The following ZNF506 variants were observed in gnomAD, a reference collection of about 807,000 sequenced individuals.
The protein encoded by ZNF506 is zinc finger protein 506.
ZNF506 carries 10 observed loss-of-function variants against 11.6 expected under a neutral mutation model. That is an observed-to-expected ratio of 0.86 (90% CI 0.53 to 1.46). ZNF506 has a LOEUF of 1.46. Among genes scored for constraint, ZNF506 ranks in the 40% most tolerant of loss-of-function variants. The pLI is 0.00. For synonymous variants in ZNF506, 156 were observed against 173.3 expected (o/e 0.90, Z 0.78); for missense variants, 425 against 521.2 (o/e 0.82, Z 1.80).
chr19:19,807,869 T>G (rs2062847719), intron 1 of ZNF506, among the ~76,000 whole-genome samples: 1 of 152,076 alleles, frequency 6.6e-6, no homozygotes, highest in East Asian at 1.9e-4. Flanking sequence ...CAAAAGGATA[T>G]TTTTTCAAAC....
rs1182764939 is a variant in ZNF506 at position 19,803,098 on chromosome 19, C to T, written c.226+2933G>A. On this transcript the variant is annotated intron_variant, in intron 3 of 3. Transcript: ENST00000540806. The stretch of plus-strand genomic sequence containing the variant: ...AGAAGTGTTCTATTCAGAAGGCAGG[C>T]CCTCATTCAGGTGGGAAACTACAAG... Among the ~76,000 whole-genome samples the T allele has an allele frequency of 3.9e-5, 6 of 152,220 alleles. No individual in the cohort carries two copies. The East Asian group carries it at 1.2e-3, about 29-fold the overall frequency.
In ZNF506 at chr19:19,795,033, T is replaced by C; in HGVS notation, c.854A>G (p.Tyr285Cys). Reference protein sequence around the residue: ...HKKIHTGEKPYKCDKCGKAFI... With the variant: ...HKKIHTGEKPCKCDKCGKAFI... ...GGCTTTGCCACATTTATCACACTTG[T>C]ATGGTTTCTCTCCAGTATGAATTTT... The change falls in exon 4 of 4, where the codon TAC (tyrosine) becomes TGC (cysteine). Residue 285 changes from tyrosine to cysteine, a missense_variant. By Grantham distance (194) the Tyr-to-Cys change is radical (BLOSUM62 -2). This residue lies in a region of ZNF506 where 192 missense variants were observed against 215.7 expected (regional missense o/e 0.89). Transcript: ENST00000540806. The C allele has an allele frequency of 3.7e-6, 6 of 1,613,912 alleles. No individual in the cohort carries two copies. Among genetic ancestry groups the C allele is most frequent in the Non-Finnish European group, 5.1e-6 (6 of 1,179,956 alleles).
At chr19:19,821,482 G>T in intron 1 of ZNF506, 119 bp downstream of exon 1, 1 of 1,346,164 alleles carries the variant, frequency 7.4e-7, no homozygotes, top group Non-Finnish European at 1.1e-6. Context: ...TTGGAGCGCA[G>T]ATTGTGGAGC....
Position 19,806,027 on chromosome 19 carries a change from C to T in ZNF506, c.226+4G>A. ...CTGTCCTATTCATTTTCACTCGCAC[C>T]TACCTGGGGGTTTGGCAATCATCTC... On this transcript the variant is annotated splice_donor_region_variant and intron_variant, in intron 3 of 3. Coordinates refer to ENST00000540806, the MANE Select transcript of ZNF506 (RefSeq NM_001099269.3). The T allele has an allele frequency of 1.2e-6, 2 of 1,602,984 alleles. No homozygotes were observed. The highest frequency in any genetic ancestry group is 1.3e-5 in the African/African-American group (1 of 74,176).
rs532860947 is a variant in ZNF506 at position 19,792,718 on chromosome 19, T to A, written c.*1834A>T. Among the ~76,000 whole-genome samples, 6 of 150,544 alleles carry A rather than the reference T, an allele frequency of 4.0e-5. No individual in the cohort carries two copies. In the East Asian group the frequency reaches 1.2e-3, roughly 29 times the overall value. ...ACTATTACTCTGAACCCCCACTTTT[T>A]AAAAATCTTTATTAATAAAGTAATT... On this transcript the variant is annotated 3_prime_UTR_variant, in exon 4 of 4. Coordinates refer to ENST00000540806, the MANE Select transcript of ZNF506 (RefSeq NM_001099269.3).
intron 3 of ZNF506, among the ~76,000 whole-genome samples, chr19:19,804,000 T>C (rs1447026776): frequency 6.6e-6 from 1 of 152,138 alleles, no homozygotes; most frequent in Non-Finnish European, 1.5e-5. Flanking sequence ...GTCAATTTTG[T>C]CAATTTTGTC....
At chr19:19,806,921 A>G (rs1183510915) in intron 2 of ZNF506, 21 bp downstream of exon 2, 1 of 1,606,686 alleles carries the variant, frequency 6.2e-7, no homozygotes, top group Non-Finnish European at 8.5e-7. Flanking sequence ...ATTATGAATT[A>G]TGTACTCAAG....
chr19:19,801,040 G>T (rs1315849418), intron 3 of ZNF506, among the ~76,000 whole-genome samples: 1 of 151,906 alleles, frequency 6.6e-6, no homozygotes, highest in Non-Finnish European at 1.5e-5. Context: ...CATGCCTATA[G>T]TCCCAGCTAC....
At chr19:19,816,742 G>A (rs577805657) in intron 1 of ZNF506, among the ~76,000 whole-genome samples, 23 of 151,382 alleles carry the variant, frequency 1.5e-4, no homozygotes, top group Non-Finnish European at 2.7e-4. Flanking sequence ...TGCTCAACTC[G>A]GCCTCCACAG....
intron 3 of ZNF506, 26 bp from the exon 4 acceptor site, chr19:19,795,686 A>C (rs751247216): frequency 1.2e-5 from 18 of 1,480,318 alleles, no homozygotes; most frequent in Non-Finnish European, 1.5e-5. Context: ...AAAACACATG[A>C]CTTCAATTGC....
At chr19:19,820,052 G>A (rs2062957261) in intron 1 of ZNF506, among the ~76,000 whole-genome samples, 3 of 150,124 alleles carry the variant, frequency 2.0e-5, no homozygotes, top group South Asian at 4.2e-4. Flanking sequence ...AGGTGAGATC[G>A]CCCCACTGCA....
In ZNF506 at chr19:19,806,064, T is replaced by C; in HGVS notation, c.193A>G (p.Met65Val). 6.2e-7 allele frequency: 1 copy of C among 1,609,798 alleles called. No individual in the cohort carries two copies. The highest frequency in any genetic ancestry group is 8.5e-7 in the Non-Finnish European group (1 of 1,178,678). ...TTGGCAATCATCTCATGCCTCTTCA[T>C]AGTTAAAGGTTTTTTTCCTTGCTCC... ...CLEQGKKPLTMKRHEMIAKPP... is the reference protein window; with the variant it reads ...CLEQGKKPLTVKRHEMIAKPP... Residue 65 changes from methionine to valine, a missense_variant, in exon 3 of 4, where the codon ATG becomes GTG. Physicochemically the swap from Met to Val is conservative, Grantham distance 21 (BLOSUM62 1). Coordinates refer to ENST00000540806, the MANE Select transcript of ZNF506 (RefSeq NM_001099269.3).
chr19:19,806,126 C>A lies in ZNF506; in HGVS notation c.131G>T (p.Gly44Val). The A allele has an allele frequency of 1.3e-6, 2 of 1,596,632 alleles. No homozygotes were observed. The highest frequency in any genetic ancestry group is 4.5e-5 in the East Asian group (2 of 44,574). ...CAGGTTTGGTTTAGAGACAACAATACCTGTTTTATTAAGAATAAATAATAT... is the reference window on the plus strand; with the variant it reads ...CAGGTTTGGTTTAGAGACAACAATAACTGTTTTATTAAGAATAAATAATAT... Reference protein sequence around the residue: ...LENYRNLIFLGIVVSKPNLIT... With the variant: ...LENYRNLIFLVIVVSKPNLIT... Residue 44 changes from glycine to valine, a missense_variant and splice_region_variant, in exon 3 of 4, where the codon GGT becomes GTT. By Grantham distance (109) the Gly-to-Val change is moderately radical. Transcript: ENST00000540806.
At chr19:19,805,179 A>G (rs1048744793) in intron 3 of ZNF506, among the ~76,000 whole-genome samples, 5 of 152,204 alleles carry the variant, frequency 3.3e-5, no homozygotes, top group Admixed American at 2.6e-4. Flanking sequence ...AAGTATATCT[A>G]TGGTTTCATA....
At chr19:19,819,647 A>G (rs1404480868) in intron 1 of ZNF506, among the ~76,000 whole-genome samples, 4 of 152,204 alleles carry the variant, frequency 2.6e-5, no homozygotes, top group Admixed American at 2.6e-4. Flanking sequence ...ATCTTGACCC[A>G]AAAACATTCG....
chr19:19,811,991 T>C (rs2062886932), intron 1 of ZNF506, among the ~76,000 whole-genome samples: 2 of 152,184 alleles, frequency 1.3e-5, no homozygotes, highest in African/African-American at 4.8e-5. Context: ...GTAGGAACCA[T>C]GACTGCTTCA....
rs2062712268 is a variant in ZNF506, at chr19:19,793,590, ATTC to A, written c.*959_*961del. 6.6e-6 allele frequency among the ~76,000 whole-genome samples: 1 copy of A among 152,214 alleles called. No individual in the cohort carries two copies. ...TGTAATAGCTGATTTCAGAATAAAT[ATTC>A]TTCTTTAAAGGCTTATATTTTCTGA... On this transcript the variant is annotated 3_prime_UTR_variant, in exon 4 of 4. Transcript: ENST00000540806.
chr19:19,806,849 T>C (rs902856748), intron 2 of ZNF506, 93 bp downstream of exon 2: 3 of 1,447,780 alleles, frequency 2.1e-6, no homozygotes, highest in East Asian at 2.5e-5. Context: ...AACTCTTGTA[T>C]GCAAAGAATA....
At chr19:19,800,338 T>C (rs1020320253) in intron 3 of ZNF506, among the ~76,000 whole-genome samples, 3 of 149,304 alleles carry the variant, frequency 2.0e-5, no homozygotes, top group Non-Finnish European at 4.4e-5. Flanking sequence ...AAGATAAAAA[T>C]ATTCTAGTGA....
Sources: allele counts gnomAD v4.1 joint callset (sites outside exome capture counted in the v4.1 genomes callset), GRCh38; gene constraint gnomAD v4.1.1; regional missense constraint gnomAD v4.1.1; transcripts MANE v1.5; gene names NCBI Gene and HGNC (gene_info 2026-07-23, HGNC 2026-07-21).